MYCBP2: variants seen among roughly 807,000 people sequenced by gnomAD.
The protein encoded by MYCBP2 is MYC binding protein 2, also known as E3 ubiquitin-protein ligase MYCBP2.
A neutral mutation model predicts 525.3 loss-of-function variants in MYCBP2; 120 were observed. The observed-to-expected ratio is 0.23, with a 90% confidence interval of 0.20 to 0.27. MYCBP2 has a LOEUF of 0.27. Ranked by LOEUF, MYCBP2 falls within the 10% of genes least tolerant of loss-of-function variation. MYCBP2 has a pLI of 1.00. For synonymous variants in MYCBP2, 1,894 were observed against 1,955.8 expected (o/e 0.97, Z 0.83); for missense variants, 4,149 against 5,657.1 (o/e 0.73, Z 8.55).
chr13:77,058,196 A>G lies in MYCBP2; in HGVS notation c.13329+22T>C, dbSNP rs202055190. ...CCATCTTAATGTCTGGATACATTCA[A>G]TACTTTAAAAGCTGAGGCAACCTGA... On this transcript the variant is annotated intron_variant, in intron 78 of 82. Transcript: ENST00000544440. This position sits in a 1 kb window ranked among gnomAD's most constrained non-coding sequence, Gnocchi z 4.1. 328 of 1,610,134 alleles carry G rather than the reference A, an allele frequency of 2.0e-4. No homozygotes were observed. The highest frequency in any genetic ancestry group is 7.7e-4 in the Admixed American group (46 of 59,498).
rs1007338159 is a variant in MYCBP2 at position 77,185,877 on chromosome 13, C to G, written c.4438G>C (p.Val1480Leu). The G allele has an allele frequency of 6.3e-7, 1 of 1,576,716 alleles. No homozygotes were observed. Among genetic ancestry groups the G allele is most frequent in the African/African-American group, 1.4e-5 (1 of 73,078 alleles). Residue 1480 changes from valine to leucine, a missense_variant, in exon 31 of 83, where the codon GTG becomes CTG. Physicochemically the swap from Val to Leu is conservative, Grantham distance 32. Transcript: ENST00000544440. Reference sequence around the variant, plus strand: ...TAAAAAAAATGCATCATACCTGACACTGGGTAAATTTCACAGGTATAGACA... The same window carrying G: ...TAAAAAAAATGCATCATACCTGACAGTGGGTAAATTTCACAGGTATAGACA... ...LRVYTCEIYP[V>L]SATGKAVVEE...
In MYCBP2 at chr13:77,087,589, G is replaced by A. The variant is rs749794357; in HGVS notation, c.10770C>T (p.Leu3590=). 7 of 1,613,094 alleles carry A rather than the reference G, an allele frequency of 4.3e-6. No individual in the cohort carries two copies. The highest frequency in any genetic ancestry group is 1.6e-4 in the Middle Eastern group (1 of 6,074). ...LLCNVIQTTS[L]HDILWHFVAS... Reference sequence around the variant, plus strand: ...CCACAAAATGCCACAGAATATCATGGAGAGAAGTGGTTTGGATGACATTAC... The same window carrying A: ...CCACAAAATGCCACAGAATATCATGAAGAGAAGTGGTTTGGATGACATTAC... The change falls in exon 62 of 83, where the codon CTC becomes CTT. Residue 3590 remains leucine (L), a synonymous_variant. Transcript: ENST00000544440.
chr13:77,065,060 T>C (rs550209285), intron 72 of MYCBP2, among the ~76,000 whole-genome samples: 52 of 152,330 alleles, frequency 3.4e-4, no homozygotes, highest in African/African-American at 1.2e-3. Context: ...TTTGAGAAGT[T>C]TGTCACTTAG....
chr13:77,057,861 C>CAA (rs1323419398), intron 78 of MYCBP2, among the ~76,000 whole-genome samples: 1 of 116,692 alleles, frequency 8.6e-6, no homozygotes, highest in East Asian at 2.6e-4. Flanking sequence ...TTTTTTGAGA[C>CAA]AGAGTCTCGC....
intron 77 of MYCBP2, among the ~76,000 whole-genome samples, chr13:77,059,162 A>G (rs2038793516): frequency 6.6e-6 from 1 of 152,112 alleles, no homozygotes; most frequent in Non-Finnish European, 1.5e-5. Context: ...ATATGTTTAT[A>G]TATGTTCAGG....
intron 29 of MYCBP2, 94 bp downstream of exon 29, chr13:77,190,158 T>C: frequency 1.5e-6 from 1 of 668,260 alleles, no homozygotes; most frequent in Non-Finnish European, 2.5e-6. Context: ...ATGCTTCAAA[T>C]AATTTCTCCC....
intron 55 of MYCBP2, 113 bp downstream of exon 55, chr13:77,121,260 A>G (rs2050643745): frequency 9.9e-7 from 1 of 1,010,290 alleles, no homozygotes; most frequent in African/African-American, 1.7e-5. Flanking sequence ...TCCATGAACA[A>G]ATTTTAATTT....
At chr13:77,105,142 G>T (rs1393152111) in intron 55 of MYCBP2, among the ~76,000 whole-genome samples, 2 of 152,060 alleles carry the variant, frequency 1.3e-5, no homozygotes, top group African/African-American at 4.8e-5. Context: ...ACAATCTCCT[G>T]GCCTGGCTGC....
chr13:77,171,771 AC>A (rs2059164196), intron 37 of MYCBP2, 137 bp from the exon 38 acceptor site: 1 of 791,288 alleles, frequency 1.3e-6, no homozygotes, highest in Non-Finnish European at 2.0e-6. Context: ...ATGCAACTAT[AC>A]AATAATAGGG....
At position 77,235,690 on chromosome 13, in the gene MYCBP2, GA is replaced by G. The variant is rs1045280185; in HGVS notation, c.2630-2428del. The stretch of plus-strand genomic sequence containing the variant: ...AAACAAGATACAATCTCTGCTTCAA[GA>G]AGCTCACATTCTAATGAGGGGAGGG... On this transcript the variant is annotated intron_variant, in intron 17 of 82. Transcript: ENST00000544440. 3.2e-4 allele frequency among the ~76,000 whole-genome samples: 49 copies of G among 152,076 alleles called. 2 individuals are homozygous for G. Among genetic ancestry groups the G allele is most frequent in the Non-Finnish European group, 4.4e-5 (3 of 67,984 alleles).
intron 55 of MYCBP2, among the ~76,000 whole-genome samples, chr13:77,102,242 T>C (rs2047183499): frequency 6.6e-6 from 1 of 151,854 alleles, no homozygotes; most frequent in African/African-American, 2.4e-5. Context: ...TGATACTATA[T>C]GCTATTACAC....
Position 77,055,685 on chromosome 13 carries a change from AT to A in MYCBP2, c.13519del (p.Met4507Ter). On this transcript the variant is annotated frameshift_variant, in exon 80 of 83. Transcript: ENST00000544440. LOFTEE classifies it high-confidence loss of function. ...LYEDVRRKALMRLEYEGLHKS... is the reference protein window; with the variant it reads ...LYEDVRRKALXRLEYEGLHKS... ...ATGCAGACCTTCATATTCCAATCTCATTAAGGCTTTTCTTCTGACATCCTCA... is the reference window on the plus strand; with the variant it reads ...ATGCAGACCTTCATATTCCAATCTCATAAGGCTTTTCTTCTGACATCCTCA... 1 of 1,613,694 alleles carries A rather than the reference AT, an allele frequency of 6.2e-7. No homozygotes were observed. Among genetic ancestry groups the A allele is most frequent in the Non-Finnish European group, 8.5e-7 (1 of 1,179,656 alleles).
intron 82 of MYCBP2, among the ~76,000 whole-genome samples, chr13:77,048,707 T>C (rs543730720): frequency 2.4e-4 from 37 of 152,198 alleles, no homozygotes; most frequent in African/African-American, 8.9e-4. Context: ...GGAGCAAATA[T>C]GTGTGAAAAT....
intron 14 of MYCBP2, among the ~76,000 whole-genome samples, chr13:77,257,034 G>A (rs2072340137): frequency 6.6e-6 from 1 of 151,974 alleles, no homozygotes; most frequent in Non-Finnish European, 1.5e-5. Flanking sequence ...ATAAACACAA[G>A]GTAGTACTAT....
chr13:77,149,145 T>A (rs2056088863), intron 47 of MYCBP2, among the ~76,000 whole-genome samples: 1 of 152,040 alleles, frequency 6.6e-6, no homozygotes, highest in South Asian at 2.1e-4. Context: ...TAGTCAAACA[T>A]CTTGAAAGGC....
chr13:77,048,681 C>T (rs56327755), intron 82 of MYCBP2, among the ~76,000 whole-genome samples: 9,952 of 152,128 alleles, frequency 0.065, 369 homozygotes, highest in East Asian at 0.11. Context: ...ACCATCTACT[C>T]GCAGATTGTA....
chr13:77,251,133 G>C lies in MYCBP2; in HGVS notation c.2381+18C>G, dbSNP rs180835537. 5.8e-4 allele frequency: 941 copies of C among 1,609,808 alleles called. 7 individuals are homozygous for C. The East Asian group carries it at 0.019, about 32-fold the overall frequency. ...TGTGTTCTGCACATGTTCTTTAGTA[G>C]GAATCATTGTCTCTTACCCTCCGGG... On this transcript the variant is annotated intron_variant, in intron 15 of 82. Coordinates refer to ENST00000544440, the MANE Select transcript of MYCBP2 (RefSeq NM_015057.5).
chr13:77,151,221 T>C (rs778314602), intron 46 of MYCBP2, among the ~76,000 whole-genome samples: 2 of 152,148 alleles, frequency 1.3e-5, no homozygotes, highest in Non-Finnish European at 2.9e-5. Context: ...AATGCACCAC[T>C]AATAAAGTAC....
intron 66 of MYCBP2, among the ~76,000 whole-genome samples, chr13:77,078,364 A>G (rs2042690041): frequency 6.6e-6 from 1 of 152,224 alleles, no homozygotes; most frequent in South Asian, 2.1e-4. Flanking sequence ...ACACATGCCT[A>G]GATAAAACTT....
Sources: allele counts gnomAD v4.1 joint callset (sites outside exome capture counted in the v4.1 genomes callset), GRCh38; gene constraint gnomAD v4.1.1; non-coding constraint Gnocchi (gnomAD v3.1); transcripts MANE v1.5; gene names NCBI Gene and HGNC (gene_info 2026-07-23, HGNC 2026-07-21).